RFX3: variants seen among roughly 807,000 people sequenced by gnomAD.
RFX3 encodes the protein regulatory factor X3.
Under a neutral mutation model 98.6 loss-of-function variants are expected in RFX3, and 14 were observed. The ratio of observed to expected loss-of-function variants is 0.14; its 90% confidence interval spans 0.09 to 0.22. The LOEUF (loss-of-function observed/expected upper bound fraction) is 0.22, where lower values mean the gene tolerates loss of function less well. RFX3 is among the 10% of genes least tolerant of loss of function. The pLI, the probability that RFX3 is intolerant of heterozygous loss-of-function variation, is 1.00. For synonymous variants in RFX3, 383 were observed against 328.4 expected (o/e 1.17, Z -1.80); for missense variants, 639 against 926.9 (o/e 0.69, Z 4.03).
At chr9:3,374,449 G>A (rs759306314) in intron 2 of RFX3, among the ~76,000 whole-genome samples, 11 of 151,928 alleles carry the variant, frequency 7.2e-5, no homozygotes, top group Admixed American at 2.0e-4. Context: ...AGGGCCAAAA[G>A]GTGGAAGCAA....
intron 1 of RFX3, among the ~76,000 whole-genome samples, chr9:3,450,035 T>C (rs915714463): frequency 2.0e-5 from 3 of 152,230 alleles, no homozygotes; most frequent in Admixed American, 6.5e-5. Flanking sequence ...ATCCTGTGGT[T>C]CTACCAATCT....
intron 4 of RFX3, among the ~76,000 whole-genome samples, chr9:3,329,494 T>C (rs947826933): frequency 3.3e-5 from 5 of 151,272 alleles, no homozygotes; most frequent in African/African-American, 1.2e-4. Context: ...TAAATATGTA[T>C]GCTCCTAAGA....
chr9:3,496,242 T>C (rs1851099694), intron 1 of RFX3, among the ~76,000 whole-genome samples: 1 of 152,054 alleles, frequency 6.6e-6, no homozygotes, highest in Non-Finnish European at 1.5e-5. Context: ...AATGAAATTT[T>C]ACTCCTTGTG....
At chr9:3,475,367 C>T (rs190255056) in intron 1 of RFX3, among the ~76,000 whole-genome samples, 2 of 150,720 alleles carry the variant, frequency 1.3e-5, no homozygotes, top group African/African-American at 4.9e-5. Flanking sequence ...GTAGTGGCCC[C>T]GAATGCCAGG....
chr9:3,341,170 T>C (rs558585464), intron 3 of RFX3, among the ~76,000 whole-genome samples: 18 of 151,458 alleles, frequency 1.2e-4, no homozygotes, highest in African/African-American at 2.2e-4. Context: ...AACCAAACAC[T>C]GCATGTTCTC....
chr9:3,447,678 T>A (rs977876870), intron 1 of RFX3, among the ~76,000 whole-genome samples: 1 of 152,224 alleles, frequency 6.6e-6, no homozygotes, highest in African/African-American at 2.4e-5. Context: ...TTGGTTCCAT[T>A]AAGCATTTTT....
Position 3,475,629 on chromosome 9 carries a change from G to A in RFX3, c.-9+50118C>T, listed in dbSNP as rs371711291. Among the ~76,000 whole-genome samples, 13 of 152,300 alleles carry A rather than the reference G, an allele frequency of 8.5e-5. 2 individuals carry two copies. The highest frequency in any genetic ancestry group is 3.1e-4 in the African/African-American group (13 of 41,558). ...TGCATAATATTACAATATTGTTTCTGCATATCAGAGACTTTTAGTACTTTC... is the reference window on the plus strand; with the variant it reads ...TGCATAATATTACAATATTGTTTCTACATATCAGAGACTTTTAGTACTTTC... On this transcript the variant is annotated intron_variant, in intron 1 of 16. Coordinates refer to ENST00000617270, the MANE Select transcript of RFX3 (RefSeq NM_001282116.2).
chr9:3,225,414 A>G, intron 16 of RFX3, 134 bp from the exon 17 acceptor site: 1 of 1,346,126 alleles, frequency 7.4e-7, no homozygotes, highest in Non-Finnish European at 9.9e-7. Flanking sequence ...AACAAAGCTT[A>G]GAGGTTTTCT....
At chr9:3,414,935 T>C (rs1468232253) in intron 1 of RFX3, among the ~76,000 whole-genome samples, 3 of 137,760 alleles carry the variant, frequency 2.2e-5, no homozygotes, top group South Asian at 2.2e-4. Flanking sequence ...TATGTGTGTA[T>C]ATATATACAC....
At chr9:3,468,282 C>CTAACATACT (rs1207407921) in intron 1 of RFX3, among the ~76,000 whole-genome samples, 1 of 152,148 alleles carries the variant, frequency 6.6e-6, no homozygotes, top group Non-Finnish European at 1.5e-5. Flanking sequence ...ATAACAAATA[C>CTAACATACT]TAACATACTT....
chr9:3,399,734 G>A (rs576150497), intron 1 of RFX3, among the ~76,000 whole-genome samples: 5 of 151,996 alleles, frequency 3.3e-5, no homozygotes, highest in South Asian at 4.2e-4. Flanking sequence ...GGCAGATCTC[G>A]AGGTCAGGAG....
chr9:3,403,046 GTAC>G (rs1183574352), intron 1 of RFX3, among the ~76,000 whole-genome samples: 1 of 151,794 alleles, frequency 6.6e-6, no homozygotes, highest in Non-Finnish European at 1.5e-5. Flanking sequence ...GTTTAGTCAC[GTAC>G]TACATTTAAA....
chr9:3,318,787 C>A (rs773353941), intron 4 of RFX3, among the ~76,000 whole-genome samples: 2 of 152,076 alleles, frequency 1.3e-5, no homozygotes, highest in Non-Finnish European at 2.9e-5. Flanking sequence ...TGAAGTTATT[C>A]TTAACATTTT....
intron 1 of RFX3, among the ~76,000 whole-genome samples, chr9:3,507,093 T>G (rs981941103): frequency 2.0e-5 from 3 of 151,966 alleles, no homozygotes; most frequent in African/African-American, 7.2e-5. Flanking sequence ...ACCTTGATTA[T>G]GGAGTCTTCT....
chr9:3,415,508 C>A (rs1842907500), intron 1 of RFX3, among the ~76,000 whole-genome samples: 2 of 151,936 alleles, frequency 1.3e-5, no homozygotes, highest in South Asian at 4.2e-4. Flanking sequence ...TAAAGTATTC[C>A]ATTACTGAAG....
intron 15 of RFX3, among the ~76,000 whole-genome samples, chr9:3,237,260 A>G (rs1390882169): frequency 6.6e-6 from 1 of 152,160 alleles, no homozygotes; most frequent in African/African-American, 2.4e-5. Flanking sequence ...GCATTGAATT[A>G]GTTTGCCTTT....
chr9:3,505,834 T>C (rs1468959601), intron 1 of RFX3, among the ~76,000 whole-genome samples: 2 of 151,072 alleles, frequency 1.3e-5, no homozygotes, highest in Non-Finnish European at 3.0e-5. Flanking sequence ...CAACCATCTA[T>C]TATAATACAT....
At chr9:3,420,079 G>A (rs1312384856) in intron 1 of RFX3, among the ~76,000 whole-genome samples, 7 of 152,174 alleles carry the variant, frequency 4.6e-5, no homozygotes, top group African/African-American at 7.2e-5. Flanking sequence ...GTCGGGGCCC[G>A]CAGCACCACT....
At chr9:3,234,499 G>C (rs1038743475) in intron 15 of RFX3, among the ~76,000 whole-genome samples, 1 of 152,114 alleles carries the variant, frequency 6.6e-6, no homozygotes, top group Non-Finnish European at 1.5e-5. Flanking sequence ...AAGTTAGCTG[G>C]GTGTGGTGGC....
Sources: gnomAD v4.1 joint callset for allele counts (sites outside exome capture counted in the v4.1 genomes callset) on GRCh38, gnomAD v4.1.1 for gene constraint, MANE v1.5 for transcripts, NCBI Gene and HGNC (gene_info 2026-07-23, HGNC 2026-07-21) for gene names.